Variants in MBTPS1 observed in about 807,000 individuals in gnomAD.
MBTPS1 encodes the protein membrane-bound transcription factor site-1 protease.
In MBTPS1, 94 loss-of-function variants were observed where a neutral mutation model predicts 127.8. The ratio of observed to expected loss-of-function variants is 0.74; its 90% CI spans 0.62 to 0.87. The LOEUF (loss-of-function observed/expected upper bound fraction) is 0.87, where lower values mean the gene tolerates loss of function less well. Among genes scored for constraint, MBTPS1 ranks in the 40% least tolerant of loss-of-function variants. The pLI is 0.00. For synonymous variants in MBTPS1, 632 were observed against 509.4 expected, an observed-to-expected ratio of 1.24 and a Z score of -3.24; for missense variants, 1,636 against 1,353.2, an observed-to-expected ratio of 1.21 and a Z score of -3.28.
intron 2 of MBTPS1, 97 bp from the exon 3 acceptor site, chr16:84,099,407 T>C: frequency 8.0e-7 from 1 of 1,248,352 alleles, no homozygotes; most frequent in Non-Finnish European, 1.1e-6. Flanking sequence ...AAAGAAAAAT[T>C]ATCTTAAAGC....
chr16:84,092,811 G>C (rs79362175), intron 6 of MBTPS1, among the ~76,000 whole-genome samples: 12,685 of 152,248 alleles, frequency 0.083, 730 homozygotes, highest in Non-Finnish European at 0.12. Flanking sequence ...AAGGTGGTAG[G>C]AACCCAATCA....
intron 1 of MBTPS1, among the ~76,000 whole-genome samples, chr16:84,114,558 C>T (rs952650116): frequency 6.6e-6 from 1 of 151,938 alleles, no homozygotes; most frequent in African/African-American, 2.4e-5. Flanking sequence ...CAGCTGGGCG[C>T]GGTAGCTCAC....
chr16:84,083,068 T>C (rs2085964391), intron 10 of MBTPS1, among the ~76,000 whole-genome samples: 1 of 152,214 alleles, frequency 6.6e-6, no homozygotes, highest in Non-Finnish European at 1.5e-5. Flanking sequence ...GCTGCCCGCT[T>C]ACTCAACAGC....
intron 1 of MBTPS1, among the ~76,000 whole-genome samples, chr16:84,103,073 G>GAAAAACTGCC (rs2086279131): frequency 1.3e-5 from 2 of 152,026 alleles, no homozygotes; most frequent in Admixed American, 1.3e-4. Context: ...TGAATTGTAA[G>GAAAAACTGCC]AAAAACTGCC....
intron 3 of MBTPS1, 106 bp from the exon 4 acceptor site, chr16:84,095,911 C>A: frequency 1.2e-6 from 1 of 836,770 alleles, no homozygotes; most frequent in East Asian, 2.5e-5. Flanking sequence ...ATTTGCCACT[C>A]TGTTTGAAGG....
At chr16:84,095,934 T>C (rs1049635338) in intron 3 of MBTPS1, 129 bp from the exon 4 acceptor site, 1 of 676,424 alleles carries the variant, frequency 1.5e-6, no homozygotes, top group East Asian at 2.7e-5. Flanking sequence ...AGTGGGATTA[T>C]CTTCTTTTTC....
At chr16:84,099,436 AAC>A in intron 2 of MBTPS1, 126 bp from the exon 3 acceptor site, 1 of 949,502 alleles carries the variant, frequency 1.1e-6, no homozygotes, top group South Asian at 1.8e-5. Context: ...GACGAGAGAA[AAC>A]ACAAAGACTA....
At chr16:84,116,371 C>A (rs1252412171) in intron 1 of MBTPS1, among the ~76,000 whole-genome samples, 2 of 152,244 alleles carry the variant, frequency 1.3e-5, no homozygotes, top group Non-Finnish European at 2.9e-5. Flanking sequence ...CGAGATAAGG[C>A]AAAGAATCGA....
At chr16:84,092,060 A>G (rs1322407649) in intron 6 of MBTPS1, among the ~76,000 whole-genome samples, 1 of 152,224 alleles carries the variant, frequency 6.6e-6, no homozygotes, top group East Asian at 1.9e-4. Context: ...AACCTAAGGA[A>G]GAGGCAGCTG....
At chr16:84,104,678 C>T (rs1191088012) in intron 1 of MBTPS1, among the ~76,000 whole-genome samples, 1 of 152,142 alleles carries the variant, frequency 6.6e-6, no homozygotes, top group East Asian at 1.9e-4. Flanking sequence ...GAAATTTTAA[C>T]ACAGCCCATG....
chr16:84,095,772 C>T lies in MBTPS1; in HGVS notation c.455G>A (p.Trp152Ter), dbSNP rs200595636. Residue 152 changes from tryptophan (W) to a stop codon, truncating the protein, a stop_gained, in exon 4 of 23, where the codon TGG (tryptophan) becomes TAG (stop). Coordinates refer to ENST00000343411, the MANE Select transcript of MBTPS1 (RefSeq NM_003791.4). LOFTEE classifies it high-confidence loss of function. ...DPTVPCNETR[W>*]SQKWQSSRPL... ...ACGTGATGATTGCCACTTCTGGCTC[C>T]ACCGGGTTTCATTGCAGGGTACTGT... is the stretch of plus-strand genomic sequence containing the variant. 12 of 1,614,054 alleles carry T rather than the reference C, an allele frequency of 7.4e-6. No individual in the cohort carries two copies. The highest frequency in any genetic ancestry group is 9.3e-6 in the Non-Finnish European group (11 of 1,179,978).
intron 13 of MBTPS1, 131 bp downstream of exon 13, chr16:84,070,457 T>C (rs535223968): frequency 7.0e-5 from 62 of 880,964 alleles, no homozygotes; most frequent in African/African-American, 1.3e-4. Context: ...GAACCATCAA[T>C]TGTGGCCATC....
At chr16:84,109,754 T>G (rs1463132949) in intron 1 of MBTPS1, among the ~76,000 whole-genome samples, 1 of 152,202 alleles carries the variant, frequency 6.6e-6, no homozygotes, top group Non-Finnish European at 1.5e-5. Flanking sequence ...GAATCCAAAC[T>G]GGATCCATCT....
At position 84,116,905 on chromosome 16, in the gene MBTPS1, T is replaced by C. The variant is rs568318847; in HGVS notation, c.-495A>G. Reference sequence around the variant, plus strand: ...TCAGCTCCGCCGACCCAGCGTGCCCTGTCTGTCCCGCGCTCCCGGGGCTTG... The same window carrying C: ...TCAGCTCCGCCGACCCAGCGTGCCCCGTCTGTCCCGCGCTCCCGGGGCTTG... On this transcript the variant is annotated 5_prime_UTR_variant, in exon 1 of 23. Coordinates refer to ENST00000343411, the MANE Select transcript of MBTPS1 (RefSeq NM_003791.4). 2 of 152,384 alleles carry C rather than the reference T, an allele frequency of 1.3e-5. No individual in the cohort carries two copies. The highest frequency in any genetic ancestry group is 3.9e-4 in the East Asian group (2 of 5,182). 9.4% of individuals were successfully genotyped at this position (152,384 alleles called of 1,614,324 possible). A position where few individuals can be genotyped will look rare whatever the true frequency, so the allele number is the denominator to read the frequency against.
At chr16:84,067,557 T>C (rs533795246) in intron 16 of MBTPS1, 110 bp downstream of exon 16, 115 of 872,228 alleles carry the variant, frequency 1.3e-4, no homozygotes, top group Admixed American at 2.7e-4. Flanking sequence ...TGAATGTGTC[T>C]GTGCCAACTG....
chr16:84,059,629 G>A (rs1487981888), intron 20 of MBTPS1: 1 of 471,578 alleles, frequency 2.1e-6, no homozygotes. Flanking sequence ...TTCCATTGCT[G>A]AAGGTGGGTG....
chr16:84,085,055 C>G lies in MBTPS1; in HGVS notation c.1214G>C (p.Gly405Ala), dbSNP rs751912633. ...GAGVRGSGVK[G>A]GCRALSGTSV... is the part of the protein sequence containing the mutation. ...GGTCCCTGAGAGGGCCCGGCACCCC[C>G]CTTTCACGCCAGAACCCCGCACGCC... Residue 405 changes from glycine to alanine, a missense_variant, in exon 10 of 23, where the codon GGG (glycine) becomes GCG (alanine). Physicochemically the swap from Gly to Ala is moderately conservative, Grantham distance 60 (BLOSUM62 0). Coordinates refer to ENST00000343411, the MANE Select transcript of MBTPS1 (RefSeq NM_003791.4). The G allele has an allele frequency of 1.6e-5, 26 of 1,614,098 alleles. No individual in the cohort carries two copies. Among genetic ancestry groups the G allele is most frequent in the Middle Eastern group, 1.6e-4 (1 of 6,084 alleles).
intron 11 of MBTPS1, among the ~76,000 whole-genome samples, chr16:84,079,300 A>AT (rs1331882210): frequency 6.6e-5 from 10 of 152,188 alleles, no homozygotes; most frequent in Non-Finnish European, 7.3e-5. Flanking sequence ...AGTCTCAGGT[A>AT]TTTTTTTATA....
In MBTPS1 at chr16:84,102,046, C is replaced by A. The variant is rs191049913; in HGVS notation, c.-263G>T. On this transcript the variant is annotated 5_prime_UTR_variant, in exon 2 of 23. Transcript: ENST00000343411. ...CAGGCCGTGACGACTGAGTCCTGTACTCCATTTGTACCACAGAACCAACGT... is the reference window on the plus strand; with the variant it reads ...CAGGCCGTGACGACTGAGTCCTGTAATCCATTTGTACCACAGAACCAACGT... 2.5e-6 allele frequency: 1 copy of A among 399,256 alleles called. No homozygotes were observed. Among genetic ancestry groups the A allele is most frequent in the African/African-American group, 2.0e-5 (1 of 49,414 alleles). The allele number at this position is 399,256 out of a possible 1,614,324, so 24.7% of individuals were successfully genotyped here. A position where few individuals can be genotyped will look rare whatever the true frequency, so the allele number is the denominator to read the frequency against.
Sources: allele counts gnomAD v4.1 joint callset (sites outside exome capture counted in the v4.1 genomes callset), GRCh38; gene constraint gnomAD v4.1.1; transcripts MANE v1.5; gene names NCBI Gene and HGNC (gene_info 2026-07-23, HGNC 2026-07-21).